Variants in UBE4B observed in about 807,000 individuals in gnomAD.
The protein encoded by UBE4B is ubiquitination factor E4B.
In UBE4B, 27 loss-of-function variants were observed where a neutral mutation model predicts 148.1. The ratio of observed to expected loss-of-function variants is 0.18; its 90% CI spans 0.13 to 0.25. The LOEUF (loss-of-function observed/expected upper bound fraction) is 0.25. Ranked by LOEUF, UBE4B falls within the 10% of genes least tolerant of loss-of-function variation. The pLI, the probability that UBE4B is intolerant of heterozygous loss-of-function variation, is 1.00. For missense variants in UBE4B, 1,170 were observed against 1,662.4 expected, an observed-to-expected ratio of 0.70 and a Z score of 5.15; for synonymous variants, 596 against 619.3, an observed-to-expected ratio of 0.96 and a Z score of 0.56.
chr1:10,150,937 G>A (rs1442591096), intron 20 of UBE4B, among the ~76,000 whole-genome samples: 2 of 146,860 alleles, frequency 1.4e-5, no homozygotes, highest in African/African-American at 2.5e-5. Flanking sequence ...CGAGGCGGGC[G>A]GATCACGAGG....
At chr1:10,113,069 A>G (rs1248578454) in intron 7 of UBE4B, among the ~76,000 whole-genome samples, 1 of 152,134 alleles carries the variant, frequency 6.6e-6, no homozygotes, top group Non-Finnish European at 1.5e-5. Context: ...AAAGAGGTTT[A>G]ATTGGCTCAT....
chr1:10,068,870 G>C (rs946039125), intron 1 of UBE4B, among the ~76,000 whole-genome samples: 1 of 152,194 alleles, frequency 6.6e-6, no homozygotes, highest in African/African-American at 2.4e-5. Context: ...GCTGTGGGCA[G>C]CCCAGAACGC....
chr1:10,057,206 T>G (rs546432888), intron 1 of UBE4B, among the ~76,000 whole-genome samples: 1 of 152,216 alleles, frequency 6.6e-6, no homozygotes, highest in Non-Finnish European at 1.5e-5. Flanking sequence ...ATGCCTTTGG[T>G]CCTTAGTTCT....
chr1:10,137,009 T>C (rs1645698045), intron 16 of UBE4B, 58 bp from the exon 17 acceptor site: 1 of 1,578,882 alleles, frequency 6.3e-7, no homozygotes, highest in Non-Finnish European at 8.7e-7. Context: ...AATTCAGCTT[T>C]TTCTCTGATT....
intron 25 of UBE4B, among the ~76,000 whole-genome samples, chr1:10,175,923 C>T (rs750121990): frequency 6.6e-6 from 1 of 152,138 alleles, no homozygotes; most frequent in Non-Finnish European, 1.5e-5. Flanking sequence ...GCACAGCCAC[C>T]ACCTCTACCT....
At chr1:10,048,612 A>G (rs1004748948) in intron 1 of UBE4B, among the ~76,000 whole-genome samples, 7 of 152,194 alleles carry the variant, frequency 4.6e-5, no homozygotes, top group African/African-American at 1.4e-4. Context: ...GTCCAGGGGA[A>G]GAAAGTATTT....
intron 8 of UBE4B, among the ~76,000 whole-genome samples, chr1:10,118,732 G>C (rs372449456): frequency 1.3e-5 from 2 of 151,444 alleles, no homozygotes; most frequent in Non-Finnish European, 2.9e-5. Flanking sequence ...TCTAACTCCC[G>C]ACCTCATGTG....
At chr1:10,087,104 T>G (rs572868945) in intron 2 of UBE4B, among the ~76,000 whole-genome samples, 23 of 152,358 alleles carry the variant, frequency 1.5e-4, no homozygotes, top group African/African-American at 5.5e-4. Context: ...GTCTGACGCA[T>G]ACAGGTGTAT....
chr1:10,178,668 G>C lies in UBE4B; in HGVS notation c.3550G>C (p.Glu1184Gln). The change falls in exon 26 of 28, where the codon GAA (glutamate) becomes CAA (glutamine). Residue 1184 changes from glutamate (E) to glutamine (Q), a missense_variant. Coordinates refer to ENST00000343090, the MANE Select transcript of UBE4B (RefSeq NM_001105562.3). ...GAGATCCTACAGTAAGGAATTGTTT[G>C]AAGAAGTTATTTCAAAGATGCGGAA... ...DQRSYSKELF[E>Q]EVISKMRKAG... 6.2e-7 allele frequency: 1 copy of C among 1,612,620 alleles called. No individual in the cohort carries two copies. The highest frequency in any genetic ancestry group is 8.5e-7 in the Non-Finnish European group (1 of 1,179,606).
At chr1:10,042,013 C>T (rs1333076785) in intron 1 of UBE4B, among the ~76,000 whole-genome samples, 1 of 152,204 alleles carries the variant, frequency 6.6e-6, no homozygotes, top group African/African-American at 2.4e-5. Context: ...TGGCTCACTA[C>T]AACCTCTGAC....
Position 10,103,102 on chromosome 1 carries a change from T to G in UBE4B, c.580+10T>G, listed in dbSNP as rs1645042614. The stretch of plus-strand genomic sequence containing the variant: ...CAGAACCCAAAAGAAGGTAGGAATC[T>G]AGCTCAGCAGTCTTACTGCAGAGTA... On this transcript the variant is annotated intron_variant, in intron 5 of 27. Coordinates refer to ENST00000343090, the MANE Select transcript of UBE4B (RefSeq NM_001105562.3). 1.3e-6 allele frequency: 2 copies of G among 1,597,292 alleles called. No individual in the cohort carries two copies. The highest frequency in any genetic ancestry group is 2.7e-5 in the African/African-American group (2 of 74,776).
In UBE4B at chr1:10,161,249, A is replaced by G. The variant is rs773999476; in HGVS notation, c.3161A>G (p.Glu1054Gly). Residue 1054 changes from glutamate to glycine, a missense_variant, in exon 23 of 28, where the codon GAG becomes GGG. This residue lies in a region of UBE4B where 348 missense variants were observed against 627.2 expected (regional missense o/e 0.55). Transcript: ENST00000343090. This position sits in a 1 kb window ranked among gnomAD's most constrained non-coding sequence, Gnocchi z 4.1. ...AAGCGAATCCATGAAGTGCAGGAAG[A>G]GATGAAGAACAAAGAACAGTGGGAC... ...SLKRIHEVQE[E>G]MKNKEQWDQL... 6 of 1,614,186 alleles carry G rather than the reference A, an allele frequency of 3.7e-6. No homozygotes were observed. Among genetic ancestry groups the G allele is most frequent in the Non-Finnish European group, 5.1e-6 (6 of 1,180,018 alleles).
intron 2 of UBE4B, among the ~76,000 whole-genome samples, chr1:10,082,293 G>A (rs368261118): frequency 6.6e-6 from 1 of 151,878 alleles, no homozygotes; most frequent in African/African-American, 2.4e-5. Flanking sequence ...GAACCCAGGG[G>A]TTTAAGACTA....
At chr1:10,059,527 A>G (rs1362652378) in intron 1 of UBE4B, 2 of 217,232 alleles carry the variant, frequency 9.2e-6, no homozygotes, top group Non-Finnish European at 2.0e-5. Flanking sequence ...GAGCCTGCCC[A>G]CTGGTATTCC....
intron 17 of UBE4B, among the ~76,000 whole-genome samples, chr1:10,139,268 G>A (rs1223749354): frequency 2.0e-5 from 3 of 152,138 alleles, no homozygotes; most frequent in African/African-American, 7.2e-5. Flanking sequence ...GCGCATGCCT[G>A]TAATCCCAGC....
At chr1:10,070,391 G>C (rs541668716) in intron 1 of UBE4B, among the ~76,000 whole-genome samples, 1 of 150,036 alleles carries the variant, frequency 6.7e-6, no homozygotes, top group African/African-American at 2.5e-5. Flanking sequence ...ATACAACCCA[G>C]TGAGTTTTCA....
intron 14 of UBE4B, among the ~76,000 whole-genome samples, chr1:10,131,997 G>A (rs1451846166): frequency 2.0e-5 from 3 of 151,992 alleles, no homozygotes; most frequent in Non-Finnish European, 2.9e-5. Flanking sequence ...GGGTGTGGCG[G>A]CGTGTGCCTG....
At chr1:10,086,896 G>T (rs1206199322) in intron 2 of UBE4B, among the ~76,000 whole-genome samples, 1 of 152,002 alleles carries the variant, frequency 6.6e-6, no homozygotes, top group East Asian at 1.9e-4. Flanking sequence ...CACCATGTTG[G>T]CCAGGCTGGT....
rs1645101992 is a variant in UBE4B at position 10,106,148 on chromosome 1, G to A, written c.810-49G>A. 6.6e-7 allele frequency: 1 copy of A among 1,518,382 alleles called. No homozygotes were observed. Among genetic ancestry groups the A allele is most frequent in the Non-Finnish European group, 8.8e-7 (1 of 1,132,810 alleles). 94.1% of individuals were successfully genotyped at this position (1,518,382 alleles called of 1,614,324 possible). A position where few individuals can be genotyped will look rare whatever the true frequency, so the allele number is the denominator to read the frequency against. On this transcript the variant is annotated intron_variant, in intron 6 of 27. Coordinates refer to ENST00000343090, the MANE Select transcript of UBE4B (RefSeq NM_001105562.3). This position sits in a 1 kb window ranked among gnomAD's most constrained non-coding sequence, Gnocchi z 4.2. ...TTTCTGTTTTAGTTAGTTATCTCAA[G>A]TTTTTCTTTGATTTTTCTCTTCTTT... is the stretch of plus-strand genomic sequence containing the variant.
Sources: gnomAD v4.1 joint callset for allele counts (sites outside exome capture counted in the v4.1 genomes callset) on GRCh38, gnomAD v4.1.1 for gene constraint, gnomAD v4.1.1 regional missense constraint, Gnocchi (gnomAD v3.1) non-coding constraint, MANE v1.5 for transcripts, NCBI Gene and HGNC (gene_info 2026-07-23, HGNC 2026-07-21) for gene names.